The following PRAG1 variants were observed in gnomAD, a reference collection of about 807,000 sequenced individuals.
PRAG1 encodes inactive tyrosine-protein kinase PRAG1.
PRAG1 carries 110 observed loss-of-function variants against 95.6 expected under a neutral mutation model. That is an observed-to-expected ratio of 1.15 (90% CI 0.99 to 1.35). The LOEUF (loss-of-function observed/expected upper bound fraction) is 1.35, where lower values mean the gene tolerates loss of function less well. PRAG1 is among the 40% of genes most tolerant of loss of function. The probability of loss-of-function intolerance (pLI) is 0.00; values close to 1 mark genes in which losing one functional copy is unlikely to be tolerated. For missense variants in PRAG1, 2,554 were observed against 1,864.7 expected (o/e 1.37, Z -6.81); for synonymous variants, 1,052 against 819.4 (o/e 1.28, Z -4.85).
At chr8:8,327,032 A>T (rs754477773) in intron 5 of PRAG1, among the ~76,000 whole-genome samples, 21 of 152,196 alleles carry the variant, frequency 1.4e-4, no homozygotes, top group Admixed American at 2.0e-4. Context: ...TCACTACATC[A>T]TAGCTCTATA....
intron 5 of PRAG1, among the ~76,000 whole-genome samples, chr8:8,327,505 G>C (rs911249227): frequency 6.6e-6 from 1 of 152,206 alleles, no homozygotes; most frequent in Admixed American, 6.5e-5. Flanking sequence ...GGGAGGCGGA[G>C]GCTGTAGTGA....
chr8:8,326,891 A>C (rs1798650724), intron 5 of PRAG1, among the ~76,000 whole-genome samples: 1 of 152,194 alleles, frequency 6.6e-6, no homozygotes, highest in African/African-American at 2.4e-5. Flanking sequence ...TTAGGATTAG[A>C]GGTAAGAGTC....
rs542727353 is a variant in PRAG1, at chr8:8,318,571, G to C, written c.3804C>G (p.Pro1268=). 378 of 1,613,738 alleles carry C rather than the reference G, an allele frequency of 2.3e-4. 3 individuals carry two copies. In the South Asian group the frequency reaches 3.8e-3, roughly 16 times the overall value. Residue 1268 remains proline, a synonymous_variant, in exon 6 of 6, where the codon CCC becomes CCG. Coordinates refer to ENST00000615670, the MANE Select transcript of PRAG1 (RefSeq NM_001080826.3). This position sits in a 1 kb window ranked among gnomAD's most constrained non-coding sequence, Gnocchi z 4.2. ...GILIYELLHQ[P]NPFEVRAQLR... is the part of the protein sequence containing the mutation. ...GCTGGGCGCGCACCTCGAACGGGTT[G>C]GGTTGGTGCAGCAGCTCGTAGATGA...
chr8:8,329,168 G>A (rs1178181050), intron 4 of PRAG1, among the ~76,000 whole-genome samples: 5 of 152,072 alleles, frequency 3.3e-5, no homozygotes, highest in African/African-American at 9.7e-5. Context: ...TGAGGTGGAC[G>A]GATCACTTGA....
At chr8:8,367,424 C>T (rs536409428) in intron 3 of PRAG1, among the ~76,000 whole-genome samples, 1 of 113,456 alleles carries the variant, frequency 8.8e-6, no homozygotes, top group South Asian at 3.4e-4. Context: ...TGCCACTGCA[C>T]TCCAGCCTAG....
chr8:8,337,930 T>G (rs1156871356), intron 4 of PRAG1, among the ~76,000 whole-genome samples: 1 of 152,188 alleles, frequency 6.6e-6, no homozygotes, highest in African/African-American at 2.4e-5. Context: ...TATTGAAGCA[T>G]GTCAGACTGG....
intron 4 of PRAG1, among the ~76,000 whole-genome samples, chr8:8,330,603 G>T (rs1378298998): frequency 6.6e-6 from 1 of 152,182 alleles, no homozygotes; most frequent in South Asian, 2.1e-4. Context: ...GTCTGGACCA[G>T]TCACTTTTAC....
chr8:8,319,576 A>G (rs548274290), intron 5 of PRAG1, among the ~76,000 whole-genome samples: 53 of 152,230 alleles, frequency 3.5e-4, no homozygotes, highest in Non-Finnish European at 7.2e-4. Context: ...TTTGTGCTTC[A>G]AAAGACACCA....
Position 8,318,013 on chromosome 8 carries a change from T to C in PRAG1, c.*141A>G. The stretch of plus-strand genomic sequence containing the variant: ...ATATTTATATATGGTATATGTATTT[T>C]CTATATATATATTTATATATTTTAC... On this transcript the variant is annotated 3_prime_UTR_variant, in exon 6 of 6. Coordinates refer to ENST00000615670, the MANE Select transcript of PRAG1 (RefSeq NM_001080826.3). The surrounding 1 kb of genome is among the most constrained non-coding windows in gnomAD (Gnocchi z 4.2). 3.3e-6 allele frequency: 2 copies of C among 604,592 alleles called. No individual in the cohort carries two copies. Among genetic ancestry groups the C allele is most frequent in the Non-Finnish European group, 5.0e-6 (2 of 402,544 alleles). The allele number at this position is 604,592 out of a possible 1,614,324, so 37.5% of individuals were successfully genotyped here. A position where few individuals can be genotyped will look rare whatever the true frequency, so the allele number is the denominator to read the frequency against.
At chr8:8,364,273 T>C (rs1799936536) in intron 3 of PRAG1, among the ~76,000 whole-genome samples, 1 of 152,236 alleles carries the variant, frequency 6.6e-6, no homozygotes, top group Admixed American at 6.5e-5. Context: ...ATTAATGAAG[T>C]TAAGTAGCTC....
rs762087831 is a variant in PRAG1, at chr8:8,327,927, T to A, written c.2855A>T (p.Tyr952Phe). 6.2e-7 allele frequency: 1 copy of A among 1,613,798 alleles called. No individual in the cohort carries two copies. Among genetic ancestry groups the A allele is most frequent in the South Asian group, 1.1e-5 (1 of 91,058 alleles). The change falls in exon 5 of 6, where the codon TAT becomes TTT. Residue 952 changes from tyrosine to phenylalanine, a missense_variant. Transcript: ENST00000615670. ...LSNISSKEGT[Y>F]AKLGGLYTQS... ...GGTGTAGAGTCCCCCCAGCTTGGCATAGGTGCCCTCCTTGCTGCTGATGTT... is the reference window on the plus strand; with the variant it reads ...GGTGTAGAGTCCCCCCAGCTTGGCAAAGGTGCCCTCCTTGCTGCTGATGTT...
chr8:8,376,536 G>A lies in PRAG1; in HGVS notation c.1873C>T (p.Arg625Trp), dbSNP rs368407767. 88 of 1,609,334 alleles carry A rather than the reference G, an allele frequency of 5.5e-5. No individual in the cohort carries two copies. The East Asian group carries it at 1.1e-3, about 20-fold the overall frequency. The change falls in exon 3 of 6, where the codon CGG (arginine) becomes TGG (tryptophan). Residue 625 changes from arginine (R) to tryptophan (W), a missense_variant. Coordinates refer to ENST00000615670, the MANE Select transcript of PRAG1 (RefSeq NM_001080826.3). Reference sequence around the variant, plus strand: ...CAGGTGCCTGCCTGGAACCTGGGCCGCCTCTGTTCCGAGGCTGACGAGGCG... The same window carrying A: ...CAGGTGCCTGCCTGGAACCTGGGCCACCTCTGTTCCGAGGCTGACGAGGCG... ...PAASSASEQRRPRFQAGTWSR... is the reference protein window; with the variant it reads ...PAASSASEQRWPRFQAGTWSR...
At chr8:8,346,170 C>T (rs998016309) in intron 3 of PRAG1, among the ~76,000 whole-genome samples, 1 of 152,194 alleles carries the variant, frequency 6.6e-6, no homozygotes, top group African/African-American at 2.4e-5. Context: ...AGGCACTTTT[C>T]CTTCATTAAT....
chr8:8,319,775 G>A (rs1286539845), intron 5 of PRAG1, among the ~76,000 whole-genome samples: 1 of 152,040 alleles, frequency 6.6e-6, no homozygotes, highest in African/African-American at 2.4e-5. Context: ...ACAAAAAAAC[G>A]TGGGCAAGAG....
At chr8:8,328,781 C>A (rs1798730875) in intron 4 of PRAG1, among the ~76,000 whole-genome samples, 1 of 150,344 alleles carries the variant, frequency 6.7e-6, no homozygotes. Flanking sequence ...CGTGCGCACA[C>A]ACACACACAC....
chr8:8,326,419 G>A (rs1466501436), intron 5 of PRAG1, among the ~76,000 whole-genome samples: 2 of 152,130 alleles, frequency 1.3e-5, no homozygotes, highest in Non-Finnish European at 2.9e-5. Flanking sequence ...TAGGGCAGGT[G>A]ATGAGAGAAG....
intron 3 of PRAG1, among the ~76,000 whole-genome samples, chr8:8,364,428 C>T (rs1799941027): frequency 1.3e-5 from 2 of 152,246 alleles, no homozygotes; most frequent in South Asian, 2.1e-4. Context: ...GTCTTTGATA[C>T]ACTGCTTTAA....
In PRAG1 at chr8:8,318,270, T is replaced by A; in HGVS notation, c.4105A>T (p.Lys1369Ter). The change falls in exon 6 of 6, where the codon AAG becomes TAG. Residue 1369 changes from lysine (K) to a stop codon, truncating the protein, a stop_gained. Transcript: ENST00000615670. LOFTEE classifies it high-confidence loss of function. This position sits in a 1 kb window ranked among gnomAD's most constrained non-coding sequence, Gnocchi z 4.2. ...RALMMMKFAE[K>*]AVDRRRGVEL... The stretch of plus-strand genomic sequence containing the variant: ...ACGCCCCGCCTGCGATCCACCGCCT[T>A]CTCCGCAAACTTCATCATCATCAGG... 6.2e-7 allele frequency: 1 copy of A among 1,614,188 alleles called. No individual in the cohort carries two copies. Among genetic ancestry groups the A allele is most frequent in the Non-Finnish European group, 8.5e-7 (1 of 1,180,018 alleles).
chr8:8,318,349 G>C lies in PRAG1; in HGVS notation c.4026C>G (p.Thr1342=). 1 of 1,613,976 alleles carries C rather than the reference G, an allele frequency of 6.2e-7. No individual in the cohort carries two copies. Residue 1342 remains threonine, a synonymous_variant, in exon 6 of 6, where the codon ACC becomes ACG. Coordinates refer to ENST00000615670, the MANE Select transcript of PRAG1 (RefSeq NM_001080826.3). This position sits in a 1 kb window ranked among gnomAD's most constrained non-coding sequence, Gnocchi z 4.2. ...GCGTGCCGCACAGCGCCTCCTCCGA[G>C]GTGCCCGGCTGCTGCACCAGCTCGC... ...PRRELVQQPG[T]SEEALCGTLH...
Sources: gnomAD v4.1 joint callset for allele counts (sites outside exome capture counted in the v4.1 genomes callset) on GRCh38, gnomAD v4.1.1 for gene constraint, Gnocchi (gnomAD v3.1) non-coding constraint, MANE v1.5 for transcripts, NCBI Gene and HGNC (gene_info 2026-07-23, HGNC 2026-07-21) for gene names.